Variants in JAKMIP1 observed in about 807,000 individuals in gnomAD.
JAKMIP1 encodes janus kinase and microtubule interacting protein 1, also known as janus kinase and microtubule-interacting protein 1.
Under a neutral mutation model 113.0 loss-of-function variants are expected in JAKMIP1, and 33 were observed. The ratio of observed to expected loss-of-function variants is 0.29; its 90% CI spans 0.22 to 0.39. The LOEUF is 0.39. Ranked by LOEUF, JAKMIP1 falls within the 10% of genes least tolerant of loss-of-function variation. The probability of loss-of-function intolerance (pLI) is 1.00; values close to 1 mark genes in which losing one functional copy is unlikely to be tolerated. For missense variants in JAKMIP1, 813 were observed against 1,080.5 expected (o/e 0.75, Z 3.47); for synonymous variants, 480 against 459.9 (o/e 1.04, Z -0.56).
chr4:6,064,916 G>A lies in JAKMIP1; in HGVS notation c.1395C>T (p.Asp465=). ...SETSYNTDRT[D]RTPATPEEDL... ...CTTCTTCGGGCGTGGCTGGGGTCCTGTCTGTCCTGTCTGTGTTGTAGGATG... is the reference window on the plus strand; with the variant it reads ...CTTCTTCGGGCGTGGCTGGGGTCCTATCTGTCCTGTCTGTGTTGTAGGATG... The change falls in exon 9 of 21, where the codon GAC becomes GAT. Residue 465 remains aspartate, a synonymous_variant. Coordinates refer to ENST00000409021, the MANE Select transcript of JAKMIP1 (RefSeq NM_001099433.2). The surrounding 1 kb of genome is among the most constrained non-coding windows in gnomAD (Gnocchi z 4.3). 1 of 1,614,142 alleles carries A rather than the reference G, an allele frequency of 6.2e-7. No homozygotes were observed. Among genetic ancestry groups the A allele is most frequent in the Non-Finnish European group, 8.5e-7 (1 of 1,180,030 alleles).
rs531574149 is a variant in JAKMIP1 at position 6,033,366 on chromosome 4, T to C, written c.2379+2538A>G. On this transcript the variant is annotated intron_variant, in intron 19 of 20. Coordinates refer to ENST00000409021, the MANE Select transcript of JAKMIP1 (RefSeq NM_001099433.2). ...TGCCAGAGCACCTGGTTGTGTTAGG[T>C]AGTGTCGCCCGTGTTGAATACATGA... 2.0e-5 allele frequency among the ~76,000 whole-genome samples: 3 copies of C among 152,116 alleles called. No individual in the cohort carries two copies. The East Asian group carries it at 5.8e-4, about 29-fold the overall frequency.
At chr4:6,111,736 C>T (rs1714967805) in intron 2 of JAKMIP1, among the ~76,000 whole-genome samples, 2 of 152,202 alleles carry the variant, frequency 1.3e-5, no homozygotes, top group South Asian at 4.1e-4. Context: ...AGCACCCAAC[C>T]AGGCACTGTC....
intron 19 of JAKMIP1, among the ~76,000 whole-genome samples, chr4:6,030,151 G>A (rs773033003): frequency 1.6e-4 from 24 of 152,122 alleles, no homozygotes; most frequent in South Asian, 6.2e-4. Context: ...AAAACATGTA[G>A]GCACCCTGAG....
At chr4:6,068,861 T>C (rs982269060) in intron 8 of JAKMIP1, among the ~76,000 whole-genome samples, 7 of 152,342 alleles carry the variant, frequency 4.6e-5, no homozygotes, top group South Asian at 2.1e-4. Flanking sequence ...TGAGCCATCA[T>C]GCCCAGCCTT....
At chr4:6,126,432 CACAA>C (rs1158222600) in intron 1 of JAKMIP1, among the ~76,000 whole-genome samples, 67 of 151,140 alleles carry the variant, frequency 4.4e-4, no homozygotes, top group African/African-American at 1.5e-3. Flanking sequence ...AACACACACA[CACAA>C]ACACACACCA....
In JAKMIP1 at chr4:6,138,381, G is replaced by A. The variant is rs182815504; in HGVS notation, c.-147-25384C>T. 6.6e-6 allele frequency among the ~76,000 whole-genome samples: 1 copy of A among 152,024 alleles called. No homozygotes were observed. Among genetic ancestry groups the A allele is most frequent in the Non-Finnish European group, 1.5e-5 (1 of 67,966 alleles). On this transcript the variant is annotated intron_variant, in intron 1 of 20. Transcript: ENST00000409021. The surrounding 1 kb of genome is among the most constrained non-coding windows in gnomAD (Gnocchi z 6.0). ...TCCTGCCTCAGCTTTCCAAGTAGCT[G>A]GGATTACACCACACCTGGCTCATTT...
Position 6,078,723 on chromosome 4 carries a change from T to A in JAKMIP1, c.1302+216A>T, listed in dbSNP as rs564382486. Among the ~76,000 whole-genome samples, 7 of 152,254 alleles carry A rather than the reference T, an allele frequency of 4.6e-5. No individual in the cohort carries two copies. The East Asian group carries it at 1.4e-3, about 29-fold the overall frequency. On this transcript the variant is annotated intron_variant, in intron 8 of 20. Coordinates refer to ENST00000409021, the MANE Select transcript of JAKMIP1 (RefSeq NM_001099433.2). ...TAAGTGGAGAATACATCAGGAAGTT[T>A]TCCATGAATAAATTACAATAACTGG...
Position 6,136,814 on chromosome 4 carries a change from A to G in JAKMIP1, c.-147-23817T>C, listed in dbSNP as rs1719310873. Among the ~76,000 whole-genome samples, 1 of 152,212 alleles carries G rather than the reference A, an allele frequency of 6.6e-6. No individual in the cohort carries two copies. The highest frequency in any genetic ancestry group is 2.4e-5 in the African/African-American group (1 of 41,454). ...GTCCTGACTACACAGAAAGCCCTCGAGAACCACTGGCAGAAAGCAAAAAGC... is the reference window on the plus strand; with the variant it reads ...GTCCTGACTACACAGAAAGCCCTCGGGAACCACTGGCAGAAAGCAAAAAGC... On this transcript the variant is annotated intron_variant, in intron 1 of 20. Coordinates refer to ENST00000409021, the MANE Select transcript of JAKMIP1 (RefSeq NM_001099433.2). This position sits in a 1 kb window ranked among gnomAD's most constrained non-coding sequence, Gnocchi z 5.9.
At chr4:6,032,682 CAAAACAA>C in intron 19 of JAKMIP1, among the ~76,000 whole-genome samples, 1 of 152,124 alleles carries the variant, frequency 6.6e-6, no homozygotes, top group African/African-American at 2.4e-5. Context: ...CAAAACAAAA[CAAAACAA>C]AACAAAACAA....
chr4:6,144,483 C>T (rs1720570797), intron 1 of JAKMIP1, among the ~76,000 whole-genome samples: 1 of 152,148 alleles, frequency 6.6e-6, no homozygotes, highest in Admixed American at 6.5e-5. Flanking sequence ...ATTCACAACA[C>T]AATACTAGAA....
chr4:6,177,629 A>C (rs1165083445), intron 1 of JAKMIP1, among the ~76,000 whole-genome samples: 2 of 152,122 alleles, frequency 1.3e-5, no homozygotes, highest in Non-Finnish European at 2.9e-5. Context: ...TGTTGTGTGG[A>C]TTAAACAAAT....
rs898609313 is a variant in JAKMIP1, at chr4:6,186,979, A to G, written c.-148+13274T>C. 1.3e-5 allele frequency among the ~76,000 whole-genome samples: 2 copies of G among 151,982 alleles called. No individual in the cohort carries two copies. Among genetic ancestry groups the G allele is most frequent in the African/African-American group, 4.8e-5 (2 of 41,368 alleles). On this transcript the variant is annotated intron_variant, in intron 1 of 20. Coordinates refer to ENST00000409021, the MANE Select transcript of JAKMIP1 (RefSeq NM_001099433.2). The surrounding 1 kb of genome is among the most constrained non-coding windows in gnomAD (Gnocchi z 5.5). The stretch of plus-strand genomic sequence containing the variant: ...AAGTAGCTGGGACTACAGACACACA[A>G]CACCATGCCTGGCTAATTTTGTATT...
At chr4:6,149,895 A>G (rs552844463) in intron 1 of JAKMIP1, among the ~76,000 whole-genome samples, 2 of 151,862 alleles carry the variant, frequency 1.3e-5, no homozygotes, top group African/African-American at 4.8e-5. Context: ...TCCAACTCCC[A>G]GCTCTCCCCA....
Position 6,179,622 on chromosome 4 carries a change from A to T in JAKMIP1, c.-148+20631T>A, listed in dbSNP as rs1220257832. Among the ~76,000 whole-genome samples, 2 of 152,234 alleles carry T rather than the reference A, an allele frequency of 1.3e-5. No homozygotes were observed. The highest frequency in any genetic ancestry group is 2.9e-5 in the Non-Finnish European group (2 of 68,044). ...ACCAGGCAGAGAACAAGGGAAGGGA[A>T]GTGGCCCAGCAGTGGCCCTGAGTCA... is the stretch of plus-strand genomic sequence containing the variant. On this transcript the variant is annotated intron_variant, in intron 1 of 20. Transcript: ENST00000409021. This position sits in a 1 kb window ranked among gnomAD's most constrained non-coding sequence, Gnocchi z 4.5.
rs971487302 is a variant in JAKMIP1, at chr4:6,143,768, C to T, written c.-147-30771G>A. 6.6e-6 allele frequency among the ~76,000 whole-genome samples: 1 copy of T among 152,140 alleles called. No individual in the cohort carries two copies. The highest frequency in any genetic ancestry group is 1.5e-5 in the Non-Finnish European group (1 of 68,038). ...AAGTCCTCTGAGTGATTCTAACACACGCTGCTCTAGAACAGTTTTTTATTT... is the reference window on the plus strand; with the variant it reads ...AAGTCCTCTGAGTGATTCTAACACATGCTGCTCTAGAACAGTTTTTTATTT... On this transcript the variant is annotated intron_variant, in intron 1 of 20. Transcript: ENST00000409021. This position sits in a 1 kb window ranked among gnomAD's most constrained non-coding sequence, Gnocchi z 4.9.
chr4:6,028,316 G>T (rs947373350), intron 20 of JAKMIP1, among the ~76,000 whole-genome samples: 5 of 152,208 alleles, frequency 3.3e-5, no homozygotes, highest in Admixed American at 2.6e-4. Flanking sequence ...TAAAACTGGG[G>T]TTCCCATGAG....
chr4:6,134,202 C>T (rs1005649537), intron 1 of JAKMIP1, among the ~76,000 whole-genome samples: 2 of 152,184 alleles, frequency 1.3e-5, no homozygotes, highest in Admixed American at 6.5e-5. Context: ...CGCTGTCTCC[C>T]GCCTGCCGCC....
intron 16 of JAKMIP1, among the ~76,000 whole-genome samples, chr4:6,045,166 G>T (rs1223561097): frequency 6.6e-6 from 1 of 152,252 alleles, no homozygotes; most frequent in Non-Finnish European, 1.5e-5. Flanking sequence ...GTCAGACTAT[G>T]GCTCAGACCT....
chr4:6,153,744 T>TC lies in JAKMIP1; in HGVS notation c.-147-40748dup, dbSNP rs1223593260. On this transcript the variant is annotated intron_variant, in intron 1 of 20. Transcript: ENST00000409021. The surrounding 1 kb of genome is among the most constrained non-coding windows in gnomAD (Gnocchi z 4.9). ...TTCAGCCTTATTCTAAGCAAAAATA[T>TC]CCCCCAAATCATAGGCTTCAGGTGC... 6.6e-6 allele frequency among the ~76,000 whole-genome samples: 1 copy of TC among 152,184 alleles called. No individual in the cohort carries two copies. Among genetic ancestry groups the TC allele is most frequent in the Non-Finnish European group, 1.5e-5 (1 of 68,028 alleles).
Sources: allele counts gnomAD v4.1 joint callset (sites outside exome capture counted in the v4.1 genomes callset), GRCh38; gene constraint gnomAD v4.1.1; non-coding constraint Gnocchi (gnomAD v3.1); transcripts MANE v1.5; gene names NCBI Gene and HGNC (gene_info 2026-07-23, HGNC 2026-07-21).